Variants in AKAP13 observed in about 807,000 individuals in gnomAD.
AKAP13 encodes the protein A-kinase anchor protein 13.
AKAP13 carries 80 observed loss-of-function variants against 264.5 expected under a neutral mutation model. The ratio of observed to expected loss-of-function variants is 0.30; its 90% CI spans 0.25 to 0.36. The LOEUF (loss-of-function observed/expected upper bound fraction) is 0.36, where lower values mean the gene tolerates loss of function less well. Ranked by LOEUF, AKAP13 falls within the 10% of genes least tolerant of loss-of-function variation. The pLI is 1.00. For synonymous variants in AKAP13, 1,380 were observed against 1,250.2 expected (o/e 1.10, Z -2.19); for missense variants, 3,712 against 3,435.2 (o/e 1.08, Z -2.01).
intron 1 of AKAP13, among the ~76,000 whole-genome samples, chr15:85,465,594 A>C (rs1596267950): frequency 6.8e-6 from 1 of 148,078 alleles, no homozygotes; most frequent in African/African-American, 2.5e-5. Flanking sequence ...GAGTGAGAAC[A>C]TGCGGTGTTT....
At chr15:85,661,369 C>A (rs1453684636) in intron 12 of AKAP13, among the ~76,000 whole-genome samples, 1 of 152,084 alleles carries the variant, frequency 6.6e-6, no homozygotes, top group Non-Finnish European at 1.5e-5. Context: ...TGGAAACAAA[C>A]TTGAAATTAA....
intron 8 of AKAP13, among the ~76,000 whole-genome samples, chr15:85,636,218 G>A (rs1277431081): frequency 1.3e-5 from 2 of 151,828 alleles, no homozygotes; most frequent in African/African-American, 4.8e-5. Context: ...ATTTCTAATT[G>A]CTCATTGCTA....
At chr15:85,582,899 G>A (rs1596598316) in intron 7 of AKAP13, 1 of 985,454 alleles carries the variant, frequency 1.0e-6, no homozygotes, top group Non-Finnish European at 1.2e-6. Flanking sequence ...CAGCTGCACT[G>A]AGCAGATTGC....
At chr15:85,698,129 T>C (rs986450052) in intron 17 of AKAP13, among the ~76,000 whole-genome samples, 1 of 152,140 alleles carries the variant, frequency 6.6e-6, no homozygotes, top group Non-Finnish European at 1.5e-5. Context: ...CCATAAAATA[T>C]AGTATATTTT....
At chr15:85,533,553 CTG>C in intron 3 of AKAP13, 29 bp from the exon 4 acceptor site, 1 of 1,569,292 alleles carries the variant, frequency 6.4e-7, no homozygotes, top group Non-Finnish European at 8.6e-7. Flanking sequence ...GGCTCTAATA[CTG>C]TTTTATTTGC....
intron 1 of AKAP13, among the ~76,000 whole-genome samples, chr15:85,390,280 A>G (rs1216478739): frequency 1.3e-5 from 2 of 152,346 alleles, no homozygotes; most frequent in East Asian, 3.9e-4. Context: ...TAGGAAGGAT[A>G]TGAAGAGTAT....
intron 1 of AKAP13, among the ~76,000 whole-genome samples, chr15:85,441,320 A>T (rs2073644559): frequency 6.6e-6 from 1 of 152,050 alleles, no homozygotes; most frequent in Non-Finnish European, 1.5e-5. Context: ...TGTCTGTTCA[A>T]ACCTTTTGCC....
chr15:85,442,470 ATATATTATATAATATATATAATATATAT>A (rs2073710259), intron 1 of AKAP13, among the ~76,000 whole-genome samples: 1 of 125,978 alleles, frequency 7.9e-6, no homozygotes, highest in Admixed American at 8.8e-5. Flanking sequence ...TATACATAAT[ATATATTATATAATATATATAATATATAT>A]TATATTATAT....
chr15:85,727,104 T>A lies in AKAP13; in HGVS notation c.6861T>A (p.Ile2287=). The stretch of plus-strand genomic sequence containing the variant: ...CAGTGATCTCTTTAAAGAAGCTGAT[T>A]GTGAGAGAAGTGGCACATGAGGAGA... The part of the protein sequence containing the change: ...KSTVISLKKL[I]VREVAHEEKG... The change falls in exon 28 of 37, where the codon ATT becomes ATA. Residue 2287 remains isoleucine (I), a synonymous_variant. Transcript: ENST00000394518. The surrounding 1 kb of genome is among the most constrained non-coding windows in gnomAD (Gnocchi z 5.3). The A allele has an allele frequency of 1.9e-6, 3 of 1,614,226 alleles. No homozygotes were observed. The highest frequency in any genetic ancestry group is 2.5e-6 in the Non-Finnish European group (3 of 1,180,030).
At chr15:85,483,488 C>T (rs1275722348) in intron 1 of AKAP13, among the ~76,000 whole-genome samples, 7 of 149,538 alleles carry the variant, frequency 4.7e-5, no homozygotes, top group African/African-American at 1.5e-4. Flanking sequence ...TAGCCGGTTG[C>T]GGTGGCGGGC....
At chr15:85,495,318 T>C (rs559801011) in intron 2 of AKAP13, among the ~76,000 whole-genome samples, 3 of 152,104 alleles carry the variant, frequency 2.0e-5, no homozygotes, top group Middle Eastern at 3.2e-3. Context: ...TGGACCCTTG[T>C]GGTTAATGAT....
intron 1 of AKAP13, among the ~76,000 whole-genome samples, chr15:85,441,606 T>C (rs2073656669): frequency 6.6e-6 from 1 of 152,224 alleles, no homozygotes; most frequent in South Asian, 2.1e-4. Context: ...GATTTTCTCT[T>C]ATGTTTTCTT....
intron 17 of AKAP13, among the ~76,000 whole-genome samples, chr15:85,706,384 T>C (rs2086259849): frequency 6.6e-6 from 1 of 152,186 alleles, no homozygotes; most frequent in Non-Finnish European, 1.5e-5. Context: ...TGCTTCTTGC[T>C]GTGGGTCCAG....
intron 1 of AKAP13, among the ~76,000 whole-genome samples, chr15:85,485,471 C>G (rs2075508047): frequency 6.6e-6 from 1 of 152,208 alleles, no homozygotes; most frequent in Non-Finnish European, 1.5e-5. Context: ...AGCCTTTTGT[C>G]TTTATTTTTC....
At chr15:85,707,969 T>C (rs768296566) in intron 17 of AKAP13, 50 bp from the exon 18 acceptor site, 2 of 1,592,678 alleles carry the variant, frequency 1.3e-6, no homozygotes, top group African/African-American at 2.7e-5. Flanking sequence ...ACTCAGAATC[T>C]GGGATCTGTT....
intron 3 of AKAP13, among the ~76,000 whole-genome samples, chr15:85,526,464 G>A (rs1362928962): frequency 6.6e-6 from 1 of 152,042 alleles, no homozygotes; most frequent in Non-Finnish European, 1.5e-5. Flanking sequence ...TGTAGATGGT[G>A]TCTCCCTGTG....
chr15:85,581,221 T>TGATGGGTCC lies in AKAP13; in HGVS notation c.3158_3166dup (p.Gly1053_Asp1055dup). ...TGCCATGTCTGTTGCCAGATGGGTC[T>TGATGGGTCC]GATGGGTCCGATGCTCTTAACTGCA... On this transcript the variant is annotated inframe_insertion, in exon 7 of 37. Coordinates refer to ENST00000394518, the MANE Select transcript of AKAP13 (RefSeq NM_007200.5). 2 of 1,614,132 alleles carry TGATGGGTCC rather than the reference T, an allele frequency of 1.2e-6. No homozygotes were observed. The highest frequency in any genetic ancestry group is 1.7e-6 in the Non-Finnish European group (2 of 1,179,978).
chr15:85,682,698 G>A (rs1460219283), intron 15 of AKAP13, among the ~76,000 whole-genome samples: 1 of 151,584 alleles, frequency 6.6e-6, no homozygotes, highest in African/African-American at 2.4e-5. Context: ...ACAGAGTTTC[G>A]CTCTTGTTGC....
At position 85,633,535 on chromosome 15, in the gene AKAP13, CTTTTTTTTTT is replaced by C. The variant is rs56687591; in HGVS notation, c.4162-5822_4162-5813del. Reference sequence around the variant, plus strand: ...AAATTCTCTGAATGACTTTTTTTTTCTTTTTTTTTTTTTTTTTTTTTTTTTTGAGACGGAG... The same window carrying C: ...AAATTCTCTGAATGACTTTTTTTTTCTTTTTTTTTTTTTTTTGAGACGGAG... On this transcript the variant is annotated intron_variant, in intron 8 of 36. Coordinates refer to ENST00000394518, the MANE Select transcript of AKAP13 (RefSeq NM_007200.5). 1.5e-3 allele frequency among the ~76,000 whole-genome samples: 142 copies of C among 97,762 alleles called. 5 individuals carry two copies. The East Asian group carries it at 0.029, about 20-fold the overall frequency. 64.1% of individuals were successfully genotyped at this position (97,762 alleles called of 152,430 possible).
Sources: gnomAD v4.1 joint callset for allele counts (sites outside exome capture counted in the v4.1 genomes callset) on GRCh38, gnomAD v4.1.1 for gene constraint, Gnocchi (gnomAD v3.1) non-coding constraint, MANE v1.5 for transcripts, NCBI Gene and HGNC (gene_info 2026-07-23, HGNC 2026-07-21) for gene names.